The following CPLX4 variants were observed in gnomAD, a reference collection of about 807,000 sequenced individuals.
The protein encoded by CPLX4 is complexin-4.
Under a neutral mutation model 16.1 loss-of-function variants are expected in CPLX4, and 17 were observed. That is an observed-to-expected ratio of 1.06 (90% confidence interval 0.72 to 1.59). The LOEUF is 1.59. Ranked by LOEUF, CPLX4 falls within the 40% of genes most tolerant of loss-of-function variation. The pLI, the probability that CPLX4 is intolerant of heterozygous loss-of-function variation, is 0.00. For synonymous variants in CPLX4, 55 were observed against 57.8 expected (o/e 0.95, Z 0.22); for missense variants, 193 against 192.9 (o/e 1.00, Z 0.00).
intron 2 of CPLX4, among the ~76,000 whole-genome samples, chr18:59,299,574 C>T (rs546140887): frequency 5.1e-4 from 78 of 152,262 alleles, no homozygotes; most frequent in African/African-American, 1.7e-3. Flanking sequence ...GAGACTTCAG[C>T]GAGGCCACCA....
At chr18:59,297,339 C>T (rs982680964) in intron 2 of CPLX4, among the ~76,000 whole-genome samples, 4 of 151,426 alleles carry the variant, frequency 2.6e-5, no homozygotes, top group South Asian at 2.1e-4. Context: ...TGCAGTATCT[C>T]GATCTCAGCT....
rs561184076 is a variant in CPLX4, at chr18:59,296,944, G to T, written c.256-19C>A. On this transcript the variant is annotated intron_variant, in intron 2 of 2. Coordinates refer to ENST00000299721, the MANE Select transcript of CPLX4 (RefSeq NM_181654.4). ...TTTCACTCTATGTGAAAAATAAATA[G>T]AGATAGATAAATAACTCTAAACTAC... The T allele has an allele frequency of 3.1e-6, 5 of 1,594,090 alleles. No homozygotes were observed. In the South Asian group the frequency reaches 4.6e-5, roughly 15 times the overall value.
chr18:59,317,935 A>G (rs2144195491), intron 1 of CPLX4, among the ~76,000 whole-genome samples: 1 of 152,162 alleles, frequency 6.6e-6, no homozygotes, highest in African/African-American at 2.4e-5. Context: ...CTACGTGCTA[A>G]GAGGGTGAAG....
At chr18:59,306,560 C>G (rs1468529045) in intron 2 of CPLX4, among the ~76,000 whole-genome samples, 1 of 152,196 alleles carries the variant, frequency 6.6e-6, no homozygotes, top group African/African-American at 2.4e-5. Context: ...ATCTAGAGGG[C>G]TATGGCTTAT....
chr18:59,299,851 A>G (rs981569106), intron 2 of CPLX4, among the ~76,000 whole-genome samples: 9 of 152,200 alleles, frequency 5.9e-5, no homozygotes, highest in Non-Finnish European at 8.8e-5. Context: ...ACTCAGACCC[A>G]CTGAATCAGA....
intron 2 of CPLX4, 37 bp from the exon 3 acceptor site, chr18:59,296,962 TAA>T (rs1336364251): frequency 1.3e-6 from 2 of 1,584,390 alleles, no homozygotes; most frequent in Non-Finnish European, 1.7e-6. Flanking sequence ...TAAATAACTC[TAA>T]ACTACTAACT....
chr18:59,298,114 G>C (rs1292434645), intron 2 of CPLX4, among the ~76,000 whole-genome samples: 1 of 151,106 alleles, frequency 6.6e-6, no homozygotes, highest in Non-Finnish European at 1.5e-5. Flanking sequence ...TTTTTAGACA[G>C]GGTCTCTCTC....
At chr18:59,299,960 A>C (rs907887682) in intron 2 of CPLX4, among the ~76,000 whole-genome samples, 6 of 152,208 alleles carry the variant, frequency 3.9e-5, no homozygotes, top group African/African-American at 1.4e-4. Context: ...CATTTCTTGA[A>C]GACAAGGGCT....
chr18:59,316,468 A>T lies in CPLX4; in HGVS notation c.167+1828T>A, dbSNP rs1417101763. Among the ~76,000 whole-genome samples, 2 of 152,148 alleles carry T rather than the reference A, an allele frequency of 1.3e-5. 1 individual carries two copies. ...ACTGTTTGTAGCTCTCTCTGCGTTT[A>T]TCTTGTGATGAATTATTTTTAATGC... On this transcript the variant is annotated intron_variant, in intron 1 of 2. Coordinates refer to ENST00000299721, the MANE Select transcript of CPLX4 (RefSeq NM_181654.4).
intron 2 of CPLX4, among the ~76,000 whole-genome samples, chr18:59,302,195 A>G (rs1175341473): frequency 6.6e-6 from 1 of 152,228 alleles, no homozygotes; most frequent in Admixed American, 6.5e-5. Context: ...CTTGTCTGCA[A>G]TTCAAACAAT....
intron 2 of CPLX4, among the ~76,000 whole-genome samples, chr18:59,299,064 G>A (rs2070522194): frequency 6.6e-6 from 1 of 152,270 alleles, no homozygotes; most frequent in African/African-American, 2.4e-5. Flanking sequence ...CTTGGCCAGG[G>A]CCTTGGGCCC....
At chr18:59,311,830 G>A (rs998482580) in intron 2 of CPLX4, among the ~76,000 whole-genome samples, 4 of 152,138 alleles carry the variant, frequency 2.6e-5, no homozygotes, top group South Asian at 2.1e-4. Context: ...ACATGTCAAC[G>A]CATTCCCTTC....
chr18:59,312,922 C>T, intron 1 of CPLX4, 150 bp from the exon 2 acceptor site: 1 of 519,442 alleles, frequency 1.9e-6, no homozygotes, highest in South Asian at 3.1e-5. Context: ...CCTAGGTCCC[C>T]AAACGTCTGC....
chr18:59,298,432 T>C (rs1486809965), intron 2 of CPLX4, among the ~76,000 whole-genome samples: 1 of 152,062 alleles, frequency 6.6e-6, no homozygotes, highest in East Asian at 1.9e-4. Flanking sequence ...AAACAGAAGA[T>C]TAAAAAGAGT....
chr18:59,314,020 C>CA (rs913636715), intron 1 of CPLX4, among the ~76,000 whole-genome samples: 4 of 152,030 alleles, frequency 2.6e-5, no homozygotes, highest in East Asian at 3.8e-4. Flanking sequence ...AACCATTATA[C>CA]AAAAAAACTG....
intron 2 of CPLX4, among the ~76,000 whole-genome samples, chr18:59,299,457 C>A (rs1007787714): frequency 6.6e-6 from 1 of 152,148 alleles, no homozygotes; most frequent in East Asian, 1.9e-4. Context: ...CAGGGATGGG[C>A]AGCTAGAGGG....
chr18:59,311,251 G>A (rs1038487480), intron 2 of CPLX4, among the ~76,000 whole-genome samples: 1 of 152,150 alleles, frequency 6.6e-6, no homozygotes, highest in African/African-American at 2.4e-5. Context: ...AAACCTGAAC[G>A]GGGCTGGGGG....
At position 59,312,707 on chromosome 18, in the gene CPLX4, C is replaced by A; in HGVS notation, c.233G>T (p.Arg78Ile). Residue 78 changes from arginine (R) to isoleucine (I), a missense_variant, in exon 2 of 3, where the codon AGA (arginine) becomes ATA (isoleucine). By Grantham distance (97) the Arg-to-Ile change is moderately conservative (BLOSUM62 -3). Transcript: ENST00000299721. ...AERACLRVHL[R>I]EKYRLPKSEM... ...TACCTTTGGGAGCCTGTATTTTTCT[C>A]TGAGATGAACTCTGAGGCATGCCCT... 7.1e-7 allele frequency: 1 copy of A among 1,399,474 alleles called. No individual in the cohort carries two copies. Among genetic ancestry groups the A allele is most frequent in the South Asian group, 1.2e-5 (1 of 86,736 alleles). The allele number at this position is 1,399,474 out of a possible 1,614,324, so 86.7% of individuals were successfully genotyped here.
chr18:59,313,291 A>C (rs2144191570), intron 1 of CPLX4, among the ~76,000 whole-genome samples: 2 of 152,072 alleles, frequency 1.3e-5, no homozygotes, highest in South Asian at 4.2e-4. Context: ...TATAATATAA[A>C]CCTGTCTCCC....
Sources: gnomAD v4.1 joint callset for allele counts (sites outside exome capture counted in the v4.1 genomes callset) on GRCh38, gnomAD v4.1.1 for gene constraint, MANE v1.5 for transcripts, NCBI Gene and HGNC (gene_info 2026-07-23, HGNC 2026-07-21) for gene names.